KCNJ6: variants seen among roughly 807,000 people sequenced by gnomAD.
KCNJ6 encodes G protein-activated inward rectifier potassium channel 2.
A neutral mutation model predicts 34.2 loss-of-function variants in KCNJ6; 9 were observed. The ratio of observed to expected loss-of-function variants is 0.26; its 90% CI spans 0.16 to 0.46. The LOEUF (loss-of-function observed/expected upper bound fraction) is 0.46, where lower values mean the gene tolerates loss of function less well. Ranked by LOEUF, KCNJ6 falls within the 20% of genes least tolerant of loss-of-function variation. The probability of loss-of-function intolerance (pLI) is 1.00; values close to 1 mark genes in which losing one functional copy is unlikely to be tolerated. For missense variants in KCNJ6, 236 were observed against 531.3 expected (o/e 0.44, Z 5.46); for synonymous variants, 196 against 207.1 (o/e 0.95, Z 0.46).
At chr21:37,736,076 A>G (rs1016414117) in intron 2 of KCNJ6, among the ~76,000 whole-genome samples, 3 of 152,204 alleles carry the variant, frequency 2.0e-5, no homozygotes, top group African/African-American at 7.2e-5. Flanking sequence ...GCTTGGCTCA[A>G]AACAGATGAG....
At chr21:37,711,268 ACTCCGGT>A (rs372593670) in intron 3 of KCNJ6, among the ~76,000 whole-genome samples, 1 of 152,078 alleles carries the variant, frequency 6.6e-6, no homozygotes, top group African/African-American at 2.4e-5. Flanking sequence ...CTGTGGGACA[ACTCCGGT>A]CTCCGGAAAA....
At position 37,613,946 on chromosome 21, in the gene KCNJ6, A is replaced by C. The variant is rs1483480830; in HGVS notation, c.*11213T>G. Reference sequence around the variant, plus strand: ...TCAGTGTAGACTCATCCATTTCCACAGATGTACCATTGTGGTTTGGCATAT... The same window carrying C: ...TCAGTGTAGACTCATCCATTTCCACCGATGTACCATTGTGGTTTGGCATAT... On this transcript the variant is annotated 3_prime_UTR_variant, in exon 4 of 4. Coordinates refer to ENST00000609713, the MANE Select transcript of KCNJ6 (RefSeq NM_002240.5). 7.1e-6 allele frequency: 1 copy of C among 140,046 alleles called. No homozygotes were observed. Among genetic ancestry groups the C allele is most frequent in the African/African-American group, 2.5e-5 (1 of 39,416 alleles). The allele number at this position is 140,046 out of a possible 1,614,324, so 8.7% of individuals were successfully genotyped here.
At chr21:37,873,009 C>T (rs2055660093) in intron 1 of KCNJ6, among the ~76,000 whole-genome samples, 2 of 152,158 alleles carry the variant, frequency 1.3e-5, no homozygotes, top group African/African-American at 2.4e-5. Context: ...GTCAATTATA[C>T]CTCATTCCTT....
At chr21:37,667,363 C>A (rs1613223) in intron 3 of KCNJ6, among the ~76,000 whole-genome samples, 148,530 of 151,964 alleles carry the variant, frequency 0.98, 72,626 homozygotes, top group East Asian at 1. Context: ...TCACATAGGA[C>A]CTCTTGTAAC....
chr21:37,864,433 G>A (rs2055611768), intron 1 of KCNJ6, among the ~76,000 whole-genome samples: 1 of 152,136 alleles, frequency 6.6e-6, no homozygotes, highest in Non-Finnish European at 1.5e-5. Flanking sequence ...TTCTTTAATA[G>A]TGTTTCTTTT....
intron 3 of KCNJ6, among the ~76,000 whole-genome samples, chr21:37,708,108 A>G (rs969845369): frequency 2.0e-5 from 3 of 152,216 alleles, no homozygotes; most frequent in African/African-American, 7.2e-5. Context: ...AGAAGGAAGA[A>G]CAATGGATTT....
chr21:37,721,275 G>A (rs1040151087), intron 2 of KCNJ6, among the ~76,000 whole-genome samples: 2 of 152,186 alleles, frequency 1.3e-5, no homozygotes, highest in African/African-American at 2.4e-5. Flanking sequence ...AAAGAAAATA[G>A]CAAGTGTTGG....
intron 3 of KCNJ6, among the ~76,000 whole-genome samples, chr21:37,664,358 G>A (rs1420651605): frequency 2.6e-5 from 4 of 152,090 alleles, no homozygotes; most frequent in Non-Finnish European, 5.9e-5. Flanking sequence ...ACAGCAGAAA[G>A]TAACCAAATA....
chr21:37,796,178 G>T (rs1452843689), intron 2 of KCNJ6, among the ~76,000 whole-genome samples: 1 of 152,152 alleles, frequency 6.6e-6, no homozygotes, highest in Non-Finnish European at 1.5e-5. Flanking sequence ...TTATGGCCCT[G>T]CGTGGAGGTG....
At chr21:37,816,037 G>A (rs1345717374) in intron 2 of KCNJ6, among the ~76,000 whole-genome samples, 1 of 152,218 alleles carries the variant, frequency 6.6e-6, no homozygotes, top group African/African-American at 2.4e-5. Flanking sequence ...GGTGGCCACA[G>A]GAAAGGGTGT....
intron 2 of KCNJ6, among the ~76,000 whole-genome samples, chr21:37,716,869 G>A (rs575188597): frequency 9.9e-5 from 15 of 152,238 alleles, no homozygotes; most frequent in South Asian, 2.1e-4. Flanking sequence ...CTACAAGTTT[G>A]GTAAGAAATT....
intron 3 of KCNJ6, among the ~76,000 whole-genome samples, chr21:37,667,844 C>T (rs2054523817): frequency 6.6e-6 from 1 of 152,104 alleles, no homozygotes; most frequent in South Asian, 2.1e-4. Flanking sequence ...GAACCACTGT[C>T]CTAGGTCCAT....
chr21:37,736,152 A>G (rs561337559), intron 2 of KCNJ6, among the ~76,000 whole-genome samples: 1 of 152,196 alleles, frequency 6.6e-6, no homozygotes, highest in African/African-American at 2.4e-5. Context: ...TTTTGGTCCC[A>G]TAACTTCTAC....
chr21:37,712,105 A>T (rs1480192485), intron 3 of KCNJ6, among the ~76,000 whole-genome samples: 1 of 152,168 alleles, frequency 6.6e-6, no homozygotes, highest in Non-Finnish European at 1.5e-5. Context: ...TTCCAGATTC[A>T]TTTATTTTAC....
chr21:37,655,179 T>TGTGTG (rs1377937886), intron 3 of KCNJ6, among the ~76,000 whole-genome samples: 29 of 24,020 alleles, frequency 1.2e-3, no homozygotes, highest in African/African-American at 4.2e-3. Context: ...CTCTAGACAT[T>TGTGTG]TGTGTGTGTG....
chr21:37,655,265 G>A (rs71316108), intron 3 of KCNJ6, among the ~76,000 whole-genome samples: 50,077 of 132,952 alleles, frequency 0.38, 9,473 homozygotes, highest in Admixed American at 0.41. Context: ...GAGAGAGAGA[G>A]AGAGAGAGAG....
chr21:37,625,407 G>A lies in KCNJ6; in HGVS notation c.1024C>T (p.Leu342=), dbSNP rs2054306523. ...TCAACTTCGTAGAACCCGTCCTCCA[G>A]GGTCAGGACAGGTGTGAACCGGTAA... is the stretch of plus-strand genomic sequence containing the variant. ...WGYRFTPVLT[L]EDGFYEVDYN... is the part of the protein sequence containing the mutation. Residue 342 remains leucine, a synonymous_variant, in exon 4 of 4, where the codon CTG becomes TTG. Transcript: ENST00000609713. 1 of 1,614,110 alleles carries A rather than the reference G, an allele frequency of 6.2e-7. No individual in the cohort carries two copies. Among genetic ancestry groups the A allele is most frequent in the Non-Finnish European group, 8.5e-7 (1 of 1,179,932 alleles).
chr21:37,706,873 A>C lies in KCNJ6; in HGVS notation c.946+7338T>G, dbSNP rs1275142108. Among the ~76,000 whole-genome samples, 4 of 152,250 alleles carry C rather than the reference A, an allele frequency of 2.6e-5. No individual in the cohort carries two copies. In the East Asian group the frequency reaches 7.7e-4, roughly 29 times the overall value. On this transcript the variant is annotated intron_variant, in intron 3 of 3. Transcript: ENST00000609713. ...AGCTGATACCTCAGAATTCTTATGA[A>C]AAATCTAGGAGAGGAAATGGGAATA...
rs535622137 is a variant in KCNJ6 at position 37,666,812 on chromosome 21, A to T, written c.947-41328T>A. Among the ~76,000 whole-genome samples the T allele has an allele frequency of 1.0e-3, 152 of 152,090 alleles. 3 individuals are homozygous for T. In the South Asian group the frequency reaches 0.031, roughly 31 times the overall value. On this transcript the variant is annotated intron_variant, in intron 3 of 3. Coordinates refer to ENST00000609713, the MANE Select transcript of KCNJ6 (RefSeq NM_002240.5). The stretch of plus-strand genomic sequence containing the variant: ...TCCATTTTGTTCTGTACTAAGAAAA[A>T]TTCTTCTGCCTTGGGATGCTGTTAA...
Sources: allele counts gnomAD v4.1 joint callset (sites outside exome capture counted in the v4.1 genomes callset), GRCh38; gene constraint gnomAD v4.1.1; transcripts MANE v1.5; gene names NCBI Gene and HGNC (gene_info 2026-07-23, HGNC 2026-07-21).